The following CPEB3 variants were observed in gnomAD, a reference collection of about 807,000 sequenced individuals.
The protein encoded by CPEB3 is cytoplasmic polyadenylation element-binding protein 3.
A neutral mutation model predicts 67.2 loss-of-function variants in CPEB3; 20 were observed. The ratio of observed to expected loss-of-function variants is 0.30; its 90% confidence interval spans 0.21 to 0.43. The LOEUF is 0.43. Among genes scored for constraint, CPEB3 ranks in the 20% least tolerant of loss-of-function variants. The probability of loss-of-function intolerance (pLI) is 1.00; values close to 1 mark genes in which losing one functional copy is unlikely to be tolerated. For synonymous variants in CPEB3, 376 were observed against 393.1 expected (o/e 0.96, Z 0.51); for missense variants, 746 against 968.6 (o/e 0.77, Z 3.05).
At position 92,258,873 on chromosome 10, in the gene CPEB3, T is replaced by C. The variant is rs573172565; in HGVS notation, c.-11-18512A>G. On this transcript the variant is annotated intron_variant, in intron 1 of 9. Coordinates refer to ENST00000265997, the MANE Select transcript of CPEB3 (RefSeq NM_014912.5). ...GGGGTTTTCACCATATTAGCCAGGA[T>C]GGTCTCCATCTCTTGACCTCATGAT... Among the ~76,000 whole-genome samples, 45 of 151,256 alleles carry C rather than the reference T, an allele frequency of 3.0e-4. 1 individual carries two copies. In the East Asian group the frequency reaches 8.6e-3, roughly 29 times the overall value.
At chr10:92,185,668 C>A (rs937667600) in intron 3 of CPEB3, among the ~76,000 whole-genome samples, 1 of 152,050 alleles carries the variant, frequency 6.6e-6, no homozygotes, top group Admixed American at 6.6e-5. Context: ...TCCCTTTGCT[C>A]GAAAAAGGCA....
At chr10:92,072,967 CT>C (rs1842803694) in intron 9 of CPEB3, among the ~76,000 whole-genome samples, 1 of 151,042 alleles carries the variant, frequency 6.6e-6, no homozygotes, top group African/African-American at 2.4e-5. Flanking sequence ...TAAGGTAAGC[CT>C]TTATTTATTT....
Position 92,112,126 on chromosome 10 carries a change from C to CTTT in CPEB3, c.1454-935_1454-933dup, listed in dbSNP as rs201432910. On this transcript the variant is annotated intron_variant, in intron 6 of 9. Coordinates refer to ENST00000265997, the MANE Select transcript of CPEB3 (RefSeq NM_014912.5). ...TACTAAAATAAGCAAGACCACGTTC[C>CTTT]TTTTTTTTTTTTTTTTTTTTTTTGA... Among the ~76,000 whole-genome samples the CTTT allele has an allele frequency of 3.2e-3, 388 of 121,990 alleles. 3 individuals are homozygous for CTTT. Among genetic ancestry groups the CTTT allele is most frequent in the Non-Finnish European group, 4.2e-3 (244 of 58,574 alleles). The allele number at this position is 121,990 out of a possible 152,430, so 80.0% of individuals were successfully genotyped here.
intron 1 of CPEB3, among the ~76,000 whole-genome samples, chr10:92,282,231 G>C (rs1333000568): frequency 5.3e-5 from 8 of 152,172 alleles, no homozygotes; most frequent in Non-Finnish European, 1.2e-4. Flanking sequence ...AAAATTGACA[G>C]ATGATATTGA....
At chr10:92,135,380 C>A (rs375485568) in intron 6 of CPEB3, among the ~76,000 whole-genome samples, 2 of 152,166 alleles carry the variant, frequency 1.3e-5, no homozygotes, top group African/African-American at 4.8e-5. Flanking sequence ...CAAAAGAAGA[C>A]ATTTATGCAG....
chr10:92,067,423 C>T (rs1842594704), intron 9 of CPEB3, among the ~76,000 whole-genome samples: 1 of 152,016 alleles, frequency 6.6e-6, no homozygotes. Flanking sequence ...TCTCTTGAAC[C>T]TGGGAGGCGG....
rs541320792 is a variant in CPEB3, at chr10:92,164,980, T to C, written c.1222+15983A>G. On this transcript the variant is annotated intron_variant, in intron 4 of 9. Coordinates refer to ENST00000265997, the MANE Select transcript of CPEB3 (RefSeq NM_014912.5). The stretch of plus-strand genomic sequence containing the variant: ...AAAATACAGGGATACTTCAGAGATA[T>C]TACAGCCTTATGGTTCCTAACCACT... Among the ~76,000 whole-genome samples, 5 of 152,328 alleles carry C rather than the reference T, an allele frequency of 3.3e-5. No individual in the cohort carries two copies. In the South Asian group the frequency reaches 1.0e-3, roughly 32 times the overall value.
intron 4 of CPEB3, among the ~76,000 whole-genome samples, chr10:92,173,491 C>T (rs2134033970): frequency 6.6e-6 from 1 of 152,182 alleles, no homozygotes; most frequent in South Asian, 2.1e-4. Context: ...AGAGCATAAA[C>T]AAGGTGACAA....
chr10:92,248,105 C>A (rs1488216885), intron 1 of CPEB3, among the ~76,000 whole-genome samples: 1 of 152,096 alleles, frequency 6.6e-6, no homozygotes, highest in East Asian at 1.9e-4. Context: ...ACCCCCTACC[C>A]CACCAAATAT....
At chr10:92,116,109 C>A (rs1590172939) in intron 6 of CPEB3, among the ~76,000 whole-genome samples, 1 of 150,956 alleles carries the variant, frequency 6.6e-6, no homozygotes, top group South Asian at 2.1e-4. Flanking sequence ...CTCTGCCCCC[C>A]ACTGTATGTC....
chr10:92,107,429 C>A (rs1172243490), intron 7 of CPEB3, among the ~76,000 whole-genome samples: 2 of 152,202 alleles, frequency 1.3e-5, no homozygotes, highest in African/African-American at 2.4e-5. Flanking sequence ...ACATCTCTGG[C>A]CAACATGTTC....
chr10:92,257,725 A>ATT (rs1402051997), intron 1 of CPEB3, among the ~76,000 whole-genome samples: 3 of 142,422 alleles, frequency 2.1e-5, no homozygotes, highest in Non-Finnish European at 4.6e-5. Context: ...AAGGACCTCA[A>ATT]CTCTTTTTTT....
chr10:92,067,184 A>G (rs1297459588), intron 9 of CPEB3, among the ~76,000 whole-genome samples: 2 of 152,096 alleles, frequency 1.3e-5, no homozygotes, highest in African/African-American at 4.8e-5. Flanking sequence ...GTTGTTTAGA[A>G]AGCAGATGAC....
intron 2 of CPEB3, among the ~76,000 whole-genome samples, chr10:92,203,340 ATATATATATATATATG>A (rs1849607264): frequency 5.2e-5 from 1 of 19,298 alleles, no homozygotes; most frequent in South Asian, 6.0e-4. Context: ...AAGAGATGAT[ATATATATATATATATG>A]TATATATATG....
intron 1 of CPEB3, among the ~76,000 whole-genome samples, chr10:92,276,785 A>G (rs1038155639): frequency 4.6e-5 from 7 of 152,210 alleles, no homozygotes. Context: ...AAGCAACTGC[A>G]CCATTTTAAC....
intron 9 of CPEB3, among the ~76,000 whole-genome samples, chr10:92,076,832 G>C (rs1045918953): frequency 7.8e-6 from 1 of 128,716 alleles, no homozygotes. Context: ...AGAGGAGGAG[G>C]AGGAAAGAAA....
intron 9 of CPEB3, among the ~76,000 whole-genome samples, chr10:92,073,484 G>A (rs1256239600): frequency 6.6e-6 from 1 of 152,044 alleles, no homozygotes. Flanking sequence ...CAAAACCCAG[G>A]TTGGAGTTCA....
chr10:92,123,865 G>A (rs573576866), intron 6 of CPEB3, among the ~76,000 whole-genome samples: 4 of 152,250 alleles, frequency 2.6e-5, no homozygotes, highest in African/African-American at 4.8e-5. Context: ...AGACAACCCA[G>A]GTCTTTGCTC....
chr10:92,150,595 T>C (rs1846917430), intron 4 of CPEB3, among the ~76,000 whole-genome samples: 1 of 152,186 alleles, frequency 6.6e-6, no homozygotes. Flanking sequence ...ATTCATTTGA[T>C]TGGCATAAAT....
Sources: allele counts gnomAD v4.1 joint callset (sites outside exome capture counted in the v4.1 genomes callset), GRCh38; gene constraint gnomAD v4.1.1; transcripts MANE v1.5; gene names NCBI Gene and HGNC (gene_info 2026-07-23, HGNC 2026-07-21).